Variants in VPS45 observed in about 807,000 individuals in gnomAD.
VPS45 encodes the protein vacuolar protein sorting-associated protein 45.
Under a neutral mutation model 75.9 loss-of-function variants are expected in VPS45, and 35 were observed. The ratio of observed to expected loss-of-function variants is 0.46; its 90% confidence interval spans 0.35 to 0.61. The LOEUF (loss-of-function observed/expected upper bound fraction) is 0.61. Ranked by LOEUF, VPS45 falls within the 20% of genes least tolerant of loss-of-function variation. The pLI, the probability that VPS45 is intolerant of heterozygous loss-of-function variation, is 0.00. For missense variants in VPS45, 559 were observed against 685.9 expected (o/e 0.81, Z 2.07); for synonymous variants, 220 against 238.2 (o/e 0.92, Z 0.70).
chr1:150,125,430 C>T (rs1456658221), intron 14 of VPS45, among the ~76,000 whole-genome samples: 1 of 150,550 alleles, frequency 6.6e-6, no homozygotes, highest in Non-Finnish European at 1.5e-5. Context: ...CATATGTATA[C>T]ATGTGCCATG....
At chr1:150,094,088 T>TAA (rs1656491732) in intron 13 of VPS45, among the ~76,000 whole-genome samples, 1 of 152,226 alleles carries the variant, frequency 6.6e-6, no homozygotes, top group Non-Finnish European at 1.5e-5. Context: ...TAAAGGCCAT[T>TAA]TGTTACACAG....
At chr1:150,100,768 A>C (rs1553804079) in intron 13 of VPS45, among the ~76,000 whole-genome samples, 1 of 152,188 alleles carries the variant, frequency 6.6e-6, no homozygotes, top group Non-Finnish European at 1.5e-5. Flanking sequence ...GAAATAACTG[A>C]CTAGCCATAT....
At chr1:150,076,884 T>G in intron 4 of VPS45, 32 bp from the exon 5 acceptor site, 1 of 1,611,816 alleles carries the variant, frequency 6.2e-7, no homozygotes, top group Non-Finnish European at 8.5e-7. Context: ...TTGAAGTTTA[T>G]GGAATGACTA....
chr1:150,123,501 C>A (rs1658344125), intron 14 of VPS45, among the ~76,000 whole-genome samples: 1 of 151,900 alleles, frequency 6.6e-6, no homozygotes, highest in African/African-American at 2.4e-5. Context: ...TAAACTATAC[C>A]CATTATTTTA....
intron 13 of VPS45, among the ~76,000 whole-genome samples, chr1:150,104,388 C>G (rs868996497): frequency 4.1e-4 from 62 of 152,182 alleles, no homozygotes; most frequent in African/African-American, 1.5e-3. Context: ...TGTATATATA[C>G]CACATTTTCT....
chr1:150,082,032 G>T (rs1453153116), intron 9 of VPS45, 35 bp downstream of exon 9: 8 of 1,366,586 alleles, frequency 5.9e-6, no homozygotes, highest in Non-Finnish European at 8.3e-6. Flanking sequence ...ACAAACATGT[G>T]ACAGTTTGGT....
At chr1:150,142,393 T>A (rs1352385468) in intron 14 of VPS45, among the ~76,000 whole-genome samples, 1 of 152,224 alleles carries the variant, frequency 6.6e-6, no homozygotes, top group Non-Finnish European at 1.5e-5. Flanking sequence ...CAATTGTGTC[T>A]AGTCCAACTG....
chr1:150,072,300 C>T, intron 3 of VPS45, 74 bp downstream of exon 3: 2 of 996,536 alleles, frequency 2.0e-6, no homozygotes, highest in South Asian at 3.1e-5. Flanking sequence ...CCCTTCATAT[C>T]ATCAATAACT....
At chr1:150,072,606 G>A (rs139780328) in intron 3 of VPS45, among the ~76,000 whole-genome samples, 9,154 of 145,138 alleles carry the variant, frequency 0.063, 404 homozygotes, top group Non-Finnish European at 0.092. Context: ...GCAGTGAGCC[G>A]AGATTGCGCC....
chr1:150,113,776 G>A (rs1019997395), intron 14 of VPS45, among the ~76,000 whole-genome samples: 2 of 151,822 alleles, frequency 1.3e-5, no homozygotes, highest in Non-Finnish European at 2.9e-5. Flanking sequence ...GGCGCCTGTA[G>A]TCCCAGCTAC....
rs1448422953 is a variant in VPS45, at chr1:150,142,499, G to A, written c.1626-2210G>A. ...CCTCTACTTTGCAATTTTTTCTTTT[G>A]CAAAGGAGTTTGGAATTTAAATTCT... On this transcript the variant is annotated intron_variant, in intron 14 of 14. Transcript: ENST00000644510. Among the ~76,000 whole-genome samples, 3 of 152,190 alleles carry A rather than the reference G, an allele frequency of 2.0e-5. No homozygotes were observed. The East Asian group carries it at 5.8e-4, about 29-fold the overall frequency.
chr1:150,090,133 T>C (rs1355977448), intron 10 of VPS45, among the ~76,000 whole-genome samples: 5 of 152,366 alleles, frequency 3.3e-5, no homozygotes, highest in South Asian at 2.1e-4. Flanking sequence ...TTGATAGTTA[T>C]GTCCTCAGAA....
intron 14 of VPS45, among the ~76,000 whole-genome samples, chr1:150,124,008 A>G (rs1180469597): frequency 6.6e-6 from 1 of 152,210 alleles, no homozygotes; most frequent in Non-Finnish European, 1.5e-5. Flanking sequence ...TTGTCATAGT[A>G]CTAGATCCAA....
Position 150,101,266 on chromosome 1 carries a change from C to T in VPS45, c.1493+7618C>T, listed in dbSNP as rs1469487071. Among the ~76,000 whole-genome samples the T allele has an allele frequency of 8.1e-4, 14 of 17,238 alleles. 1 individual carries two copies. The highest frequency in any genetic ancestry group is 1.4e-3 in the Non-Finnish European group (13 of 9,496). The allele number at this position is 17,238 out of a possible 152,430, so 11.3% of individuals were successfully genotyped here. On this transcript the variant is annotated intron_variant, in intron 13 of 14. Transcript: ENST00000644510. Reference sequence around the variant, plus strand: ...CTGGGCAACAAGAGCAAAACCCTGTCGCAAAAAAAAAAAAAAGTGGGCAAA... The same window carrying T: ...CTGGGCAACAAGAGCAAAACCCTGTTGCAAAAAAAAAAAAAAGTGGGCAAA...
At chr1:150,105,581 G>A (rs1479749221) in intron 13 of VPS45, among the ~76,000 whole-genome samples, 1 of 152,064 alleles carries the variant, frequency 6.6e-6, no homozygotes, top group Non-Finnish European at 1.5e-5. Flanking sequence ...TCTACAAGGA[G>A]AACTACTTAA....
chr1:150,078,729 T>C (rs1655531777), intron 7 of VPS45, among the ~76,000 whole-genome samples: 1 of 151,788 alleles, frequency 6.6e-6, no homozygotes, highest in African/African-American at 2.4e-5. Flanking sequence ...GCCACTGCAC[T>C]CCAGCCAGGG....
At chr1:150,075,007 A>G (rs1553797762) in intron 3 of VPS45, among the ~76,000 whole-genome samples, 1 of 126,610 alleles carries the variant, frequency 7.9e-6, no homozygotes, top group East Asian at 2.3e-4. Context: ...TGTCACCCAG[A>G]CAGAGTGCAG....
At chr1:150,122,187 G>T (rs1281570712) in intron 14 of VPS45, among the ~76,000 whole-genome samples, 1 of 152,130 alleles carries the variant, frequency 6.6e-6, no homozygotes, top group African/African-American at 2.4e-5. Flanking sequence ...CGGGCCTGGT[G>T]GTGCACTCCT....
chr1:150,097,798 TATATA>T (rs1553803354), intron 13 of VPS45, among the ~76,000 whole-genome samples: 2 of 151,978 alleles, frequency 1.3e-5, no homozygotes, highest in Admixed American at 6.6e-5. Context: ...GTATATTATA[TATATA>T]ATATATTTTC....
Sources: allele counts gnomAD v4.1 joint callset (sites outside exome capture counted in the v4.1 genomes callset), GRCh38; gene constraint gnomAD v4.1.1; transcripts MANE v1.5; gene names NCBI Gene and HGNC (gene_info 2026-07-23, HGNC 2026-07-21).